Variants in HECW1 observed in about 807,000 individuals in gnomAD.
HECW1 encodes E3 ubiquitin-protein ligase HECW1.
Under a neutral mutation model 182.3 loss-of-function variants are expected in HECW1, and 61 were observed. The observed-to-expected ratio is 0.33, with a 90% CI of 0.27 to 0.41. The LOEUF is 0.41. HECW1 is among the 10% of genes least tolerant of loss of function. The probability of loss-of-function intolerance (pLI) is 1.00; values close to 1 mark genes in which losing one functional copy is unlikely to be tolerated. For synonymous variants in HECW1, 859 were observed against 832.6 expected (o/e 1.03, Z -0.55); for missense variants, 1,739 against 2,108.9 (o/e 0.82, Z 3.44).
chr7:43,224,050 A>G (rs1419878349), intron 2 of HECW1, among the ~76,000 whole-genome samples: 1 of 151,842 alleles, frequency 6.6e-6, no homozygotes, highest in Non-Finnish European at 1.5e-5. Flanking sequence ...ATACTACAGG[A>G]CTCCATTAGT....
At chr7:43,289,142 C>T (rs553632977) in intron 3 of HECW1, among the ~76,000 whole-genome samples, 1 of 149,522 alleles carries the variant, frequency 6.7e-6, no homozygotes, top group African/African-American at 2.5e-5. Context: ...ATCGATCACT[C>T]TGTCACCAGG....
chr7:43,335,722 T>A (rs891469427), intron 5 of HECW1, among the ~76,000 whole-genome samples: 5 of 151,920 alleles, frequency 3.3e-5, no homozygotes, highest in African/African-American at 1.2e-4. Context: ...CCTTCCTTTT[T>A]TATCTCTTTC....
chr7:43,564,992 C>T lies in HECW1; in HGVS notation c.*3066C>T, dbSNP rs138057399. 39 of 186,326 alleles carry T rather than the reference C, an allele frequency of 2.1e-4. No homozygotes were observed. The East Asian group carries it at 2.3e-3, about 11-fold the overall frequency. 11.5% of individuals were successfully genotyped at this position (186,326 alleles called of 1,614,324 possible). ...ACAATTGATTTTAGTAAGAGTGTAA[C>T]GCCTTTAATCAGGGGACAAACAAGA... On this transcript the variant is annotated 3_prime_UTR_variant, in exon 30 of 30. Transcript: ENST00000395891.
intron 3 of HECW1, among the ~76,000 whole-genome samples, chr7:43,302,892 A>G (rs1462489569): frequency 6.6e-6 from 1 of 152,076 alleles, no homozygotes; most frequent in Non-Finnish European, 1.5e-5. Flanking sequence ...GTTCCCATTC[A>G]TTCTGTCTCT....
At chr7:43,230,443 A>G (rs775316742) in intron 2 of HECW1, among the ~76,000 whole-genome samples, 36 of 152,202 alleles carry the variant, frequency 2.4e-4, no homozygotes, top group Admixed American at 2.6e-4. Flanking sequence ...AAAGAAAACA[A>G]CTGAACTCAA....
chr7:43,397,137 T>C (rs550921273), intron 7 of HECW1, among the ~76,000 whole-genome samples: 1 of 152,356 alleles, frequency 6.6e-6, no homozygotes, highest in African/African-American at 2.4e-5. Context: ...GCTGCAGTTC[T>C]ACCTTTCCCC....
At position 43,469,054 on chromosome 7, in the gene HECW1, T is replaced by G; in HGVS notation, c.3048T>G (p.Thr1016=). The G allele has an allele frequency of 6.2e-7, 1 of 1,614,084 alleles. No individual in the cohort carries two copies. ...LVNFINMFAD[T]RLELPRGWEI... is the part of the protein sequence containing the mutation. ...ATTTCATCAACATGTTCGCAGACACTCGGCTGGAACTGCCCCGGGGCTGGG... is the reference window on the plus strand; with the variant it reads ...ATTTCATCAACATGTTCGCAGACACGCGGCTGGAACTGCCCCGGGGCTGGG... The change falls in exon 16 of 30, where the codon ACT becomes ACG. Residue 1016 remains threonine (T), a synonymous_variant. Transcript: ENST00000395891.
chr7:43,396,771 C>T, intron 6 of HECW1, 43 bp from the exon 7 acceptor site: 2 of 1,289,774 alleles, frequency 1.6e-6, no homozygotes, highest in South Asian at 2.4e-5. Context: ...ATATCCATTT[C>T]AGTGCTTGTT....
intron 6 of HECW1, among the ~76,000 whole-genome samples, chr7:43,361,354 T>A (rs1047001357): frequency 5.9e-5 from 9 of 152,232 alleles, no homozygotes; most frequent in Non-Finnish European, 1.5e-5. Context: ...TTATATTTTC[T>A]TATGTTTTTA....
intron 3 of HECW1, among the ~76,000 whole-genome samples, chr7:43,265,119 A>T (rs1801632091): frequency 6.6e-6 from 1 of 152,184 alleles, no homozygotes; most frequent in Non-Finnish European, 1.5e-5. Flanking sequence ...AGTGGCTTAA[A>T]CAGGTGACCA....
chr7:43,351,188 G>T (rs1354838131), intron 5 of HECW1, among the ~76,000 whole-genome samples: 1 of 152,156 alleles, frequency 6.6e-6, no homozygotes, highest in Non-Finnish European at 1.5e-5. Context: ...GTTACTGGGG[G>T]TTATCTGCAC....
intron 2 of HECW1, among the ~76,000 whole-genome samples, chr7:43,191,116 G>T (rs1471267585): frequency 6.6e-6 from 1 of 152,050 alleles, no homozygotes; most frequent in Non-Finnish European, 1.5e-5. Flanking sequence ...GAAAACTGCG[G>T]AGTAGATTAA....
chr7:43,444,924 C>G lies in HECW1; in HGVS notation c.1752C>G (p.Gly584=). ...GCAGCGCGGCAGAGGAGGAGGACGG[C>G]GCGGAGGAGGAGTCCACCCTCAAGG... ...QGGSAAEEED[G]AEEESTLKDS... is the part of the protein sequence containing the mutation. Residue 584 remains glycine (G), a synonymous_variant, in exon 11 of 30, where the codon GGC becomes GGG. Transcript: ENST00000395891. This position sits in a 1 kb window ranked among gnomAD's most constrained non-coding sequence, Gnocchi z 4.3. 6.3e-7 allele frequency: 1 copy of G among 1,593,430 alleles called. No individual in the cohort carries two copies. The highest frequency in any genetic ancestry group is 8.6e-7 in the Non-Finnish European group (1 of 1,169,106).
At chr7:43,232,360 C>T (rs963456163) in intron 2 of HECW1, among the ~76,000 whole-genome samples, 4 of 152,148 alleles carry the variant, frequency 2.6e-5, no homozygotes, top group Non-Finnish European at 5.9e-5. Flanking sequence ...GCCATCTTGC[C>T]CCGAGCAGTG....
At chr7:43,410,529 T>G (rs895073364) in intron 8 of HECW1, among the ~76,000 whole-genome samples, 4 of 152,158 alleles carry the variant, frequency 2.6e-5, no homozygotes, top group East Asian at 1.9e-4. Context: ...ACACATTCAG[T>G]CTATAACAGG....
In HECW1 at chr7:43,410,723, C is replaced by A. The variant is rs181769317; in HGVS notation, c.801+2992C>A. 5.0e-3 allele frequency among the ~76,000 whole-genome samples: 762 copies of A among 152,278 alleles called. 1 individual carries two copies. The highest frequency in any genetic ancestry group is 0.017 in the Middle Eastern group (5 of 294). ...TAAATAAAAAGAGTCATTTAGATTA[C>A]CTATTTCTTCTAAGAGAAAGCATTT... On this transcript the variant is annotated intron_variant, in intron 8 of 29. Transcript: ENST00000395891.
chr7:43,427,624 A>G (rs1365725607), intron 8 of HECW1, among the ~76,000 whole-genome samples: 1 of 152,220 alleles, frequency 6.6e-6, no homozygotes, highest in Non-Finnish European at 1.5e-5. Context: ...GCCATTTATT[A>G]TCTCACAATT....
chr7:43,369,350 C>G (rs895719709), intron 6 of HECW1, among the ~76,000 whole-genome samples: 6 of 151,932 alleles, frequency 3.9e-5, no homozygotes, highest in Admixed American at 3.9e-4. Context: ...CCCAGCTACT[C>G]GGGAGGCTGA....
chr7:43,208,480 C>A (rs1482133531), intron 2 of HECW1, among the ~76,000 whole-genome samples: 2 of 152,244 alleles, frequency 1.3e-5, no homozygotes, highest in Non-Finnish European at 2.9e-5. Context: ...TCACCTGCTG[C>A]CTCTCCTGGT....
Sources: gnomAD v4.1 joint callset for allele counts (sites outside exome capture counted in the v4.1 genomes callset) on GRCh38, gnomAD v4.1.1 for gene constraint, Gnocchi (gnomAD v3.1) non-coding constraint, MANE v1.5 for transcripts, NCBI Gene and HGNC (gene_info 2026-07-23, HGNC 2026-07-21) for gene names.